The following ASAH2 variants were observed in gnomAD, a reference collection of about 807,000 sequenced individuals.
ASAH2 encodes neutral ceramidase.
In ASAH2, 58 loss-of-function variants were observed where a neutral mutation model predicts 82.9. That is an observed-to-expected ratio of 0.70 (90% CI 0.57 to 0.87). ASAH2 has a LOEUF of 0.87. Ranked by LOEUF, ASAH2 falls within the 40% of genes least tolerant of loss-of-function variation. ASAH2 has a pLI of 0.00. For missense variants in ASAH2, 779 were observed against 834.0 expected (o/e 0.93, Z 0.81); for synonymous variants, 276 against 289.7 (o/e 0.95, Z 0.48).
chr10:50,243,324 C>A lies in ASAH2; in HGVS notation c.388G>T (p.Ala130Ser). The A allele has an allele frequency of 6.2e-7, 1 of 1,614,094 alleles. No individual in the cohort carries two copies. The highest frequency in any genetic ancestry group is 8.5e-7 in the Non-Finnish European group (1 of 1,179,960). ...TATAGCCTGGTGAGGATGCCCTGTG[C>A]ATTCTGGCCGGATTTGCCATAGCCC... ...LMGYGKSGQN[A>S]QGILTRLYSR... The change falls in exon 4 of 21, where the codon GCA becomes TCA. Residue 130 changes from alanine to serine, a missense_variant. Coordinates refer to ENST00000682911, the MANE Select transcript of ASAH2 (RefSeq NM_019893.4).
chr10:50,208,010 T>C (rs1238365314), intron 12 of ASAH2, among the ~76,000 whole-genome samples: 3 of 151,960 alleles, frequency 2.0e-5, no homozygotes, highest in African/African-American at 4.8e-5. Flanking sequence ...TGGTTAAACA[T>C]TCAAAAACTG....
intron 4 of ASAH2, among the ~76,000 whole-genome samples, chr10:50,236,330 T>C (rs1400189285): frequency 6.6e-6 from 1 of 152,110 alleles, no homozygotes; most frequent in Non-Finnish European, 1.5e-5. Flanking sequence ...CTTCACATGA[T>C]GGCAGGAGGG....
intron 7 of ASAH2, among the ~76,000 whole-genome samples, chr10:50,222,263 C>T (rs1051640703): frequency 6.6e-5 from 10 of 152,194 alleles, no homozygotes; most frequent in Admixed American, 3.9e-4. Flanking sequence ...TTTCACTCTA[C>T]TAGTTAGATA....
intron 4 of ASAH2, among the ~76,000 whole-genome samples, chr10:50,238,909 G>C (rs1362822388): frequency 1.3e-5 from 2 of 152,098 alleles, no homozygotes; most frequent in Admixed American, 6.6e-5. Flanking sequence ...GGGACTTCTA[G>C]CGGGGAGAAA....
At chr10:50,211,490 T>G (rs1360364381) in intron 10 of ASAH2, among the ~76,000 whole-genome samples, 2 of 151,874 alleles carry the variant, frequency 1.3e-5, no homozygotes, top group African/African-American at 4.8e-5. Context: ...AGAGTGAGAG[T>G]GTATCTTTGT....
intron 3 of ASAH2, among the ~76,000 whole-genome samples, chr10:50,244,097 A>G (rs1846379118): frequency 6.6e-6 from 1 of 152,212 alleles, no homozygotes; most frequent in African/African-American, 2.4e-5. Flanking sequence ...GCAAAGAAGC[A>G]GGAGCTGGAG....
At chr10:50,212,893 A>G in intron 10 of ASAH2, 79 bp downstream of exon 10, 1 of 1,374,922 alleles carries the variant, frequency 7.3e-7, no homozygotes, top group Non-Finnish European at 1.0e-6. Flanking sequence ...TTAAGTATTC[A>G]ACTTCCTAAT....
chr10:50,231,061 G>C (rs1389988608), intron 7 of ASAH2, among the ~76,000 whole-genome samples: 1 of 148,162 alleles, frequency 6.7e-6, no homozygotes, highest in Non-Finnish European at 1.5e-5. Context: ...AAAAAAAAAA[G>C]GTTCAAAAAC....
chr10:50,221,149 G>A (rs1371311458), intron 7 of ASAH2, among the ~76,000 whole-genome samples: 1 of 152,152 alleles, frequency 6.6e-6, no homozygotes, highest in Non-Finnish European at 1.5e-5. Flanking sequence ...GCAGTTATTT[G>A]CAAGGTGTTT....
In ASAH2 at chr10:50,245,527, A is replaced by G. The variant is rs1438363783; in HGVS notation, c.128-73T>C. 8.3e-6 allele frequency: 11 copies of G among 1,322,028 alleles called. 1 individual carries two copies. The highest frequency in any genetic ancestry group is 6.0e-5 in the African/African-American group (4 of 66,970). The allele number at this position is 1,322,028 out of a possible 1,614,324, so 81.9% of individuals were successfully genotyped here. On this transcript the variant is annotated intron_variant, in intron 2 of 20. Coordinates refer to ENST00000682911, the MANE Select transcript of ASAH2 (RefSeq NM_019893.4). ...TTGTCAACATCAATTAGAACACAATATATAGGCTCAGGTTCATAAGGAAAA... is the reference window on the plus strand; with the variant it reads ...TTGTCAACATCAATTAGAACACAATGTATAGGCTCAGGTTCATAAGGAAAA...
rs887329568 is a variant in ASAH2 at position 50,211,625 on chromosome 10, C to T, written c.1228-491G>A. On this transcript the variant is annotated intron_variant, in intron 10 of 20. Coordinates refer to ENST00000682911, the MANE Select transcript of ASAH2 (RefSeq NM_019893.4). Reference sequence around the variant, plus strand: ...CTTCGCCCACCCACAATCCACTCTTCGGTGCTTTTGCTTTTGTGTTTTAAT... The same window carrying T: ...CTTCGCCCACCCACAATCCACTCTTTGGTGCTTTTGCTTTTGTGTTTTAAT... Among the ~76,000 whole-genome samples the T allele has an allele frequency of 8.5e-5, 13 of 152,258 alleles. No individual in the cohort carries two copies. In the South Asian group the frequency reaches 1.0e-3, roughly 12 times the overall value.
At chr10:50,234,622 T>C in intron 5 of ASAH2, 70 bp from the exon 6 acceptor site, 1 of 1,603,936 alleles carries the variant, frequency 6.2e-7, no homozygotes, top group Non-Finnish European at 8.5e-7. Context: ...TTAGTCAATA[T>C]AAACAGAAGA....
intron 7 of ASAH2, among the ~76,000 whole-genome samples, chr10:50,225,376 C>T (rs1444777548): frequency 1.3e-5 from 2 of 152,134 alleles, no homozygotes; most frequent in African/African-American, 4.8e-5. Flanking sequence ...TGAGATCACG[C>T]CACTGTACTC....
intron 3 of ASAH2, among the ~76,000 whole-genome samples, chr10:50,243,608 G>A (rs1846366887): frequency 6.6e-6 from 1 of 152,196 alleles, no homozygotes; most frequent in Non-Finnish European, 1.5e-5. Context: ...GTTGGCAGAA[G>A]CTGTTCCCTG....
intron 13 of ASAH2, 73 bp from the exon 14 acceptor site, chr10:50,205,028 C>T: frequency 2.0e-6 from 2 of 1,018,024 alleles, no homozygotes; most frequent in Non-Finnish European, 2.9e-6. Context: ...ATAGTGGTCC[C>T]AGAATTTCCT....
At chr10:50,245,122 A>G in intron 3 of ASAH2, 100 bp downstream of exon 3, 1 of 1,046,588 alleles carries the variant, frequency 9.6e-7, no homozygotes, top group Non-Finnish European at 1.4e-6. Context: ...AGCTAAAAGA[A>G]GATAATGATG....
At chr10:50,223,321 C>T (rs1018777944) in intron 7 of ASAH2, among the ~76,000 whole-genome samples, 39 of 152,238 alleles carry the variant, frequency 2.6e-4, no homozygotes, top group African/African-American at 8.9e-4. Flanking sequence ...TGCACTCAGA[C>T]CTGGGCCTCC....
At chr10:50,204,588 T>C (rs951743454) in intron 14 of ASAH2, among the ~76,000 whole-genome samples, 2 of 152,052 alleles carry the variant, frequency 1.3e-5, no homozygotes, top group Non-Finnish European at 2.9e-5. Context: ...CAAATCTTTC[T>C]ACTGATATAA....
chr10:50,205,908 A>G (rs34335854), intron 13 of ASAH2, 74 bp downstream of exon 13: 82,788 of 1,160,434 alleles, frequency 0.071, 3,411 homozygotes, highest in Middle Eastern at 0.14. Context: ...GATATCTACC[A>G]TTCATTACCT....
Sources: allele counts gnomAD v4.1 joint callset (sites outside exome capture counted in the v4.1 genomes callset), GRCh38; gene constraint gnomAD v4.1.1; transcripts MANE v1.5; gene names NCBI Gene and HGNC (gene_info 2026-07-23, HGNC 2026-07-21).